NUBPL: variants seen among roughly 807,000 people sequenced by gnomAD.
The protein encoded by NUBPL is iron-sulfur cluster transfer protein NUBPL.
A neutral mutation model predicts 45.7 loss-of-function variants in NUBPL; 31 were observed. That is an observed-to-expected ratio of 0.68 (90% CI 0.51 to 0.92). The LOEUF (loss-of-function observed/expected upper bound fraction) is 0.92. Ranked by LOEUF, NUBPL falls within the 40% of genes least tolerant of loss-of-function variation. The pLI is 0.00. For missense variants in NUBPL, 401 were observed against 398.7 expected, an observed-to-expected ratio of 1.01 and a Z score of -0.05; for synonymous variants, 144 against 140.9, an observed-to-expected ratio of 1.02 and a Z score of -0.15.
intron 4 of NUBPL, among the ~76,000 whole-genome samples, chr14:31,623,052 C>G (rs796671345): frequency 2.6e-5 from 4 of 152,316 alleles, no homozygotes; most frequent in African/African-American, 7.2e-5. Context: ...GTGGAGCTGC[C>G]CAACTCCTCG....
intron 6 of NUBPL, among the ~76,000 whole-genome samples, chr14:31,783,598 A>C (rs1201491616): frequency 1.3e-5 from 2 of 150,022 alleles, no homozygotes; most frequent in African/African-American, 4.9e-5. Context: ...GTTTGCTGCA[A>C]CCTCTGCCTG....
intron 6 of NUBPL, among the ~76,000 whole-genome samples, chr14:31,764,355 T>G (rs1000320760): frequency 6.6e-6 from 1 of 152,194 alleles, no homozygotes; most frequent in African/African-American, 2.4e-5. Flanking sequence ...GGTTTCTTTA[T>G]TGTATTCCTA....
Position 31,740,895 on chromosome 14 carries a change from T to C in NUBPL, c.514-46885T>C, listed in dbSNP as rs143174639. ...AAACTCTTTCTTCAGCCATTTCCAG[T>C]CTACTAATATGTCCATCAAAGGCAT... On this transcript the variant is annotated intron_variant, in intron 6 of 10. Coordinates refer to ENST00000281081, the MANE Select transcript of NUBPL (RefSeq NM_025152.3). Among the ~76,000 whole-genome samples the C allele has an allele frequency of 7.2e-5, 11 of 152,332 alleles. No homozygotes were observed. In the East Asian group the frequency reaches 2.1e-3, roughly 29 times the overall value.
intron 3 of NUBPL, among the ~76,000 whole-genome samples, chr14:31,574,968 G>A (rs1485592984): frequency 6.6e-6 from 1 of 152,078 alleles, no homozygotes; most frequent in Non-Finnish European, 1.5e-5. Flanking sequence ...ATTTTAATTG[G>A]ACTTAAAGAT....
chr14:31,809,452 T>C (rs964670711), intron 7 of NUBPL, among the ~76,000 whole-genome samples: 42 of 152,282 alleles, frequency 2.8e-4, no homozygotes, highest in Middle Eastern at 6.8e-3. Context: ...TCTATGGGAT[T>C]GGTGGTGATA....
intron 4 of NUBPL, among the ~76,000 whole-genome samples, chr14:31,605,707 T>G (rs2034567334): frequency 6.6e-6 from 1 of 151,880 alleles, no homozygotes; most frequent in African/African-American, 2.4e-5. Context: ...TCTGCTTCTT[T>G]CTTCTTTCTT....
intron 6 of NUBPL, among the ~76,000 whole-genome samples, chr14:31,692,599 G>A (rs1264419616): frequency 1.3e-5 from 2 of 152,190 alleles, no homozygotes; most frequent in East Asian, 3.8e-4. Context: ...TGAGTTGGTT[G>A]TTTCCTAGCA....
rs1351543290 is a variant in NUBPL at position 31,596,268 on chromosome 14, A to G, written c.292-3021A>G. 2.6e-5 allele frequency among the ~76,000 whole-genome samples: 4 copies of G among 152,284 alleles called. No homozygotes were observed. The East Asian group carries it at 5.8e-4, about 22-fold the overall frequency. ...GACATCCTAATTTAGTTCCAGTAAAATAGTCTGAAAAGAGTGCTTTTTAAT... is the reference window on the plus strand; with the variant it reads ...GACATCCTAATTTAGTTCCAGTAAAGTAGTCTGAAAAGAGTGCTTTTTAAT... On this transcript the variant is annotated intron_variant, in intron 3 of 10. Transcript: ENST00000281081.
intron 4 of NUBPL, among the ~76,000 whole-genome samples, chr14:31,640,357 C>T (rs548769546): frequency 1.3e-5 from 2 of 152,172 alleles, no homozygotes; most frequent in East Asian, 1.9e-4. Context: ...CCCAGCACTT[C>T]GGGAGGCCAA....
intron 6 of NUBPL, among the ~76,000 whole-genome samples, chr14:31,701,888 T>C (rs1236483920): frequency 6.6e-6 from 1 of 152,202 alleles, no homozygotes; most frequent in Non-Finnish European, 1.5e-5. Context: ...TTTCAAATCA[T>C]TTTTATTCCC....
At chr14:31,761,899 C>T (rs974148935) in intron 6 of NUBPL, among the ~76,000 whole-genome samples, 1 of 152,104 alleles carries the variant, frequency 6.6e-6, no homozygotes, top group Non-Finnish European at 1.5e-5. Flanking sequence ...TATGAGTGTA[C>T]ATGTATGTAC....
At chr14:31,771,930 A>AT in intron 6 of NUBPL, 3 of 961,222 alleles carry the variant, frequency 3.1e-6, no homozygotes, top group Non-Finnish European at 3.7e-6. Flanking sequence ...CATCCCTAGC[A>AT]TGCAGTATGC....
intron 2 of NUBPL, among the ~76,000 whole-genome samples, chr14:31,563,238 T>G (rs537994805): frequency 6.6e-6 from 1 of 152,326 alleles, no homozygotes; most frequent in South Asian, 2.1e-4. Flanking sequence ...GCTCTGTGAT[T>G]ACTTGAACTG....
intron 7 of NUBPL, among the ~76,000 whole-genome samples, chr14:31,807,071 A>G (rs554365737): frequency 3.5e-4 from 54 of 152,276 alleles, no homozygotes; most frequent in African/African-American, 1.2e-3. Context: ...GAATAGTGCC[A>G]CAATAAACAT....
At chr14:31,723,524 G>T (rs1055063821) in intron 6 of NUBPL, among the ~76,000 whole-genome samples, 1 of 152,146 alleles carries the variant, frequency 6.6e-6, no homozygotes, top group Non-Finnish European at 1.5e-5. Context: ...TCTGTAAATT[G>T]CTTTGAGCAG....
intron 8 of NUBPL, among the ~76,000 whole-genome samples, chr14:31,834,299 G>A (rs1261683847): frequency 6.7e-6 from 1 of 149,274 alleles, no homozygotes; most frequent in Admixed American, 6.8e-5. Context: ...TCCTGCCTCA[G>A]CCTCCTGAGT....
chr14:31,758,378 A>G (rs1057412001), intron 6 of NUBPL, among the ~76,000 whole-genome samples: 1 of 152,214 alleles, frequency 6.6e-6, no homozygotes, highest in Non-Finnish European at 1.5e-5. Context: ...TGGCATTTTC[A>G]TTATTAATGT....
At chr14:31,853,294 G>GATTC (rs1459188194) in intron 10 of NUBPL, among the ~76,000 whole-genome samples, 1 of 152,128 alleles carries the variant, frequency 6.6e-6, no homozygotes, top group Non-Finnish European at 1.5e-5. Flanking sequence ...GAGCTCAGGA[G>GATTC]ATTCACCTGC....
chr14:31,857,880 G>A (rs2040649875), intron 10 of NUBPL, among the ~76,000 whole-genome samples: 1 of 152,114 alleles, frequency 6.6e-6, no homozygotes, highest in Non-Finnish European at 1.5e-5. Context: ...CCTCCAAACT[G>A]TTCCAACTGC....
Sources: gnomAD v4.1 joint callset for allele counts (sites outside exome capture counted in the v4.1 genomes callset) on GRCh38, gnomAD v4.1.1 for gene constraint, MANE v1.5 for transcripts, NCBI Gene and HGNC (gene_info 2026-07-23, HGNC 2026-07-21) for gene names.